USH2A: variants seen among roughly 807,000 people sequenced by gnomAD.
The protein encoded by USH2A is Usher syndrome 2A (autosomal recessive, mild).
USH2A carries 443 observed loss-of-function variants against 538.9 expected under a neutral mutation model. That is an observed-to-expected ratio of 0.82 (90% confidence interval 0.76 to 0.89). The LOEUF (loss-of-function observed/expected upper bound fraction) is 0.89. Among genes scored for constraint, USH2A ranks in the 40% least tolerant of loss-of-function variants. USH2A has a pLI of 0.00. For missense variants in USH2A, 6,633 were observed against 6,324.8 expected, an observed-to-expected ratio of 1.05 and a Z score of -1.65; for synonymous variants, 2,413 against 2,273.5, an observed-to-expected ratio of 1.06 and a Z score of -1.75.
At chr1:216,342,320 A>G (rs1319101127) in intron 4 of USH2A, among the ~76,000 whole-genome samples, 1 of 152,164 alleles carries the variant, frequency 6.6e-6, no homozygotes, top group Non-Finnish European at 1.5e-5. Flanking sequence ...AGTGGCAATT[A>G]TTAAAAAGTC....
At chr1:216,068,356 A>ATTT (rs1392285432) in intron 30 of USH2A, among the ~76,000 whole-genome samples, 1 of 152,136 alleles carries the variant, frequency 6.6e-6, no homozygotes. Flanking sequence ...GGGAGATAAA[A>ATTT]GAGTTTGAAT....
intron 56 of USH2A, among the ~76,000 whole-genome samples, chr1:215,760,081 C>T (rs949600901): frequency 1.7e-4 from 26 of 152,100 alleles, no homozygotes; most frequent in African/African-American, 5.8e-4. Context: ...AATTTCTCTG[C>T]CTTGGTTGTC....
At chr1:216,146,042 A>G (rs1241361383) in intron 21 of USH2A, among the ~76,000 whole-genome samples, 1 of 152,120 alleles carries the variant, frequency 6.6e-6, no homozygotes, top group African/African-American at 2.4e-5. Flanking sequence ...CTTCACACGG[A>G]CGCGCATGAA....
In USH2A at chr1:216,073,427, G is replaced by A. The variant is rs17026024; in HGVS notation, c.5573-127C>T. The A allele has an allele frequency of 2.4e-3, 2,427 of 1,003,006 alleles. 41 individuals carry two copies. The African/African-American group carries it at 0.036, about 15-fold the overall frequency. The allele number at this position is 1,003,006 out of a possible 1,614,324, so 62.1% of individuals were successfully genotyped here. ...TTAGATACAATTGCTAGACTTTCGA[G>A]TCTTCCTTGGAAAACCTTTTATGCC... On this transcript the variant is annotated intron_variant, in intron 27 of 71. Coordinates refer to ENST00000307340, the MANE Select transcript of USH2A (RefSeq NM_206933.4).
chr1:216,353,353 C>A (rs1040075823), intron 4 of USH2A, among the ~76,000 whole-genome samples: 1 of 151,600 alleles, frequency 6.6e-6, no homozygotes. Context: ...CTGGGGGCAC[C>A]GAGATTAAAC....
chr1:216,191,300 T>C (rs189138584), intron 19 of USH2A, among the ~76,000 whole-genome samples: 93 of 152,166 alleles, frequency 6.1e-4, no homozygotes, highest in African/African-American at 2.1e-3. Flanking sequence ...AATGTAAAGT[T>C]CAGTAACATT....
intron 21 of USH2A, among the ~76,000 whole-genome samples, chr1:216,137,094 G>T (rs1268035851): frequency 6.6e-6 from 1 of 152,178 alleles, no homozygotes; most frequent in Non-Finnish European, 1.5e-5. Flanking sequence ...GAACTAAAAT[G>T]CTGAAAGACT....
chr1:215,850,660 C>T (rs527679367), intron 44 of USH2A, among the ~76,000 whole-genome samples: 2 of 152,238 alleles, frequency 1.3e-5, no homozygotes, highest in African/African-American at 4.8e-5. Context: ...AACAAAGAAA[C>T]AATGGACTTA....
chr1:215,969,152 C>T (rs17025802), intron 36 of USH2A, among the ~76,000 whole-genome samples: 3,466 of 152,256 alleles, frequency 0.023, 70 homozygotes, highest in South Asian at 0.082. Context: ...AAAGACATTG[C>T]TCTTCAATCC....
At chr1:216,151,597 A>T (rs1400970118) in intron 21 of USH2A, among the ~76,000 whole-genome samples, 2 of 152,090 alleles carry the variant, frequency 1.3e-5, no homozygotes, top group Admixed American at 6.5e-5. Flanking sequence ...CATCACACAC[A>T]TATCACAAAC....
At chr1:215,759,287 A>T (rs554127898) in intron 57 of USH2A, among the ~76,000 whole-genome samples, 3 of 152,312 alleles carry the variant, frequency 2.0e-5, no homozygotes, top group African/African-American at 7.2e-5. Flanking sequence ...TAGCAAGTAG[A>T]GAAACACTGT....
At chr1:215,856,278 A>G (rs1392540308) in intron 44 of USH2A, among the ~76,000 whole-genome samples, 1 of 152,242 alleles carries the variant, frequency 6.6e-6, no homozygotes, top group African/African-American at 2.4e-5. Context: ...AGTCTTAAAA[A>G]TCTTTACTTC....
At chr1:216,258,041 T>G (rs756663692) in intron 11 of USH2A, among the ~76,000 whole-genome samples, 16 of 152,108 alleles carry the variant, frequency 1.1e-4, no homozygotes, top group South Asian at 2.1e-4. Context: ...TGCATTTACA[T>G]CCTCATTATA....
At chr1:215,810,110 C>T (rs1255878404) in intron 49 of USH2A, among the ~76,000 whole-genome samples, 1 of 152,056 alleles carries the variant, frequency 6.6e-6, no homozygotes, top group East Asian at 1.9e-4. Flanking sequence ...CATTCTAATG[C>T]TATGAAAAAT....
chr1:215,912,171 C>T (rs1238036333), intron 38 of USH2A, among the ~76,000 whole-genome samples: 1 of 151,882 alleles, frequency 6.6e-6, no homozygotes, highest in African/African-American at 2.4e-5. Flanking sequence ...TCGTTGATTG[C>T]ATCCTTTGCT....
Position 215,816,990 on chromosome 1 carries a change from G to T in USH2A, c.9570+7C>A, listed in dbSNP as rs1310926465. The stretch of plus-strand genomic sequence containing the variant: ...CATGGTTCACTGATTAGTTAGAAAA[G>T]ACTTACCTTAGCTTCAGAAGAATAG... On this transcript the variant is annotated splice_region_variant and intron_variant, in intron 48 of 71. Transcript: ENST00000307340. The T allele has an allele frequency of 6.2e-7, 1 of 1,611,872 alleles. No individual in the cohort carries two copies. Among genetic ancestry groups the T allele is most frequent in the Non-Finnish European group, 8.5e-7 (1 of 1,178,440 alleles).
chr1:216,177,304 G>A (rs912329918), intron 20 of USH2A, among the ~76,000 whole-genome samples: 16 of 152,034 alleles, frequency 1.1e-4, no homozygotes, highest in Non-Finnish European at 1.9e-4. Context: ...TTCCCTTTAT[G>A]ACATATGATA....
In USH2A at chr1:215,640,575, G is replaced by A. The variant is rs144884183; in HGVS notation, c.14951C>T (p.Pro4984Leu). The A allele has an allele frequency of 3.2e-5, 52 of 1,613,764 alleles. No homozygotes were observed. The highest frequency in any genetic ancestry group is 2.3e-4 in the South Asian group (21 of 91,028). The change falls in exon 68 of 72, where the codon CCG becomes CTG. Residue 4984 changes from proline to leucine, a missense_variant. Pro to Leu is a moderately conservative substitution (Grantham distance 98). Coordinates refer to ENST00000307340, the MANE Select transcript of USH2A (RefSeq NM_206933.4). ...AAACTAACTTTTGTCCGCCGTTCTC[G>A]GTATGTAGAGGGTGGTGTCCAAGCC... is the stretch of plus-strand genomic sequence containing the variant. ...YSGLDTTLYI[P>L]RTADKTFFFQ... is the part of the protein sequence containing the mutation.
rs2038146275 is a variant in USH2A, at chr1:216,344,943, G to A, written c.785-17289C>T. 2.6e-5 allele frequency among the ~76,000 whole-genome samples: 4 copies of A among 151,356 alleles called. 1 individual carries two copies. The South Asian group carries it at 8.4e-4, about 32-fold the overall frequency. On this transcript the variant is annotated intron_variant, in intron 4 of 71. Coordinates refer to ENST00000307340, the MANE Select transcript of USH2A (RefSeq NM_206933.4). ...TGCCTTGCCCTCTTTGCTGATGGCTGTGGGTGACATAATTAGGCATGCATG... is the reference window on the plus strand; with the variant it reads ...TGCCTTGCCCTCTTTGCTGATGGCTATGGGTGACATAATTAGGCATGCATG...
Sources: allele counts gnomAD v4.1 joint callset (sites outside exome capture counted in the v4.1 genomes callset), GRCh38; gene constraint gnomAD v4.1.1; transcripts MANE v1.5; gene names NCBI Gene and HGNC (gene_info 2026-07-23, HGNC 2026-07-21).